Variants in CHMP4C observed in about 807,000 individuals in gnomAD.
The protein encoded by CHMP4C is charged multivesicular body protein 4C, also known as SNF7 homolog associated with Alix 3.
In CHMP4C, 28 loss-of-function variants were observed where a neutral mutation model predicts 29.0. That is an observed-to-expected ratio of 0.97 (90% confidence interval 0.72 to 1.32). The LOEUF (loss-of-function observed/expected upper bound fraction) is 1.32. Ranked by LOEUF, CHMP4C falls within the 40% of genes most tolerant of loss-of-function variation. The probability of loss-of-function intolerance (pLI) is 0.00; values close to 1 mark genes in which losing one functional copy is unlikely to be tolerated. For synonymous variants in CHMP4C, 106 were observed against 102.4 expected, an observed-to-expected ratio of 1.04 and a Z score of -0.21; for missense variants, 291 against 281.0, an observed-to-expected ratio of 1.04 and a Z score of -0.25.
In CHMP4C at chr8:81,747,532, T is replaced by G. The variant is rs73694776; in HGVS notation, c.191-5532T>G. Among the ~76,000 whole-genome samples, 1,317 of 152,220 alleles carry G rather than the reference T, an allele frequency of 8.7e-3. 26 individuals carry two copies. The highest frequency in any genetic ancestry group is 0.029 in the African/African-American group (1,202 of 41,506). On this transcript the variant is annotated intron_variant, in intron 1 of 4. Coordinates refer to ENST00000297265, the MANE Select transcript of CHMP4C (RefSeq NM_152284.4). ...GGATACTCTGCTGAATAGTACTGTT[T>G]GTTGTACCTATTGAAATGTAGAAAT... is the stretch of plus-strand genomic sequence containing the variant.
intron 1 of CHMP4C, among the ~76,000 whole-genome samples, chr8:81,734,026 G>T (rs978967066): frequency 6.6e-6 from 1 of 152,110 alleles, no homozygotes; most frequent in Non-Finnish European, 1.5e-5. Context: ...CAATAAGAAG[G>T]CTGTTTTATT....
chr8:81,741,184 G>T (rs1179885562), intron 1 of CHMP4C, among the ~76,000 whole-genome samples: 6 of 151,930 alleles, frequency 3.9e-5, no homozygotes, highest in African/African-American at 1.4e-4. Flanking sequence ...TCATGAATTT[G>T]GAGCAGTATT....
intron 1 of CHMP4C, among the ~76,000 whole-genome samples, chr8:81,740,039 G>A (rs1011708617): frequency 6.6e-6 from 1 of 152,150 alleles, no homozygotes; most frequent in African/African-American, 2.4e-5. Context: ...TTATATGCAA[G>A]CTATTTCTTT....
In CHMP4C at chr8:81,755,385, A is replaced by G; in HGVS notation, c.384A>G (p.Ile128Met). 1 of 1,604,910 alleles carries G rather than the reference A, an allele frequency of 6.2e-7. No homozygotes were observed. Among genetic ancestry groups the G allele is most frequent in the South Asian group, 1.1e-5 (1 of 90,310 alleles). The change falls in exon 3 of 5, where the codon ATA (isoleucine) becomes ATG (methionine). Residue 128 changes from isoleucine to methionine, a missense_variant. Physicochemically the swap from Ile to Met is conservative, Grantham distance 10 (BLOSUM62 1). Transcript: ENST00000297265. ...SVHENMDLNK[I>M]DDLMQEITEQ... ...GATTTCCCAGGGATCTGAACAAAAT[A>G]GATGATTTGATGCAAGAGATCACAG...
Position 81,755,321 on chromosome 8 carries a change from T to C in CHMP4C, c.369-49T>C, listed in dbSNP as rs755251779. 3.9e-6 allele frequency: 4 copies of C among 1,034,380 alleles called. No homozygotes were observed. In the South Asian group the frequency reaches 4.9e-5, roughly 13 times the overall value. 64.1% of individuals were successfully genotyped at this position (1,034,380 alleles called of 1,614,324 possible). ...TTATATAGGATTATATCTAAATTCA[T>C]AATTATAAGTTAAAATTCTAAAATG... On this transcript the variant is annotated intron_variant, in intron 2 of 4. Transcript: ENST00000297265.
At chr8:81,745,787 A>G (rs1252573432) in intron 1 of CHMP4C, among the ~76,000 whole-genome samples, 2 of 152,166 alleles carry the variant, frequency 1.3e-5, no homozygotes, top group Non-Finnish European at 2.9e-5. Context: ...TTTCTCTACC[A>G]CAAAGGAATA....
chr8:81,755,662 C>T (rs985977085), intron 3 of CHMP4C, among the ~76,000 whole-genome samples, 178 bp downstream of exon 3: 2 of 152,152 alleles, frequency 1.3e-5, no homozygotes, highest in Non-Finnish European at 2.9e-5. Flanking sequence ...AAGATGAATA[C>T]AGTTTGGCAA....
intron 1 of CHMP4C, among the ~76,000 whole-genome samples, chr8:81,739,182 T>C (rs1220342107): frequency 6.0e-5 from 9 of 149,328 alleles, no homozygotes; most frequent in Admixed American, 4.0e-4. Flanking sequence ...CTGCAACCTC[T>C]GCCTCCCGGG....
At chr8:81,747,296 A>G (rs1808837363) in intron 1 of CHMP4C, among the ~76,000 whole-genome samples, 1 of 152,126 alleles carries the variant, frequency 6.6e-6, no homozygotes, top group African/African-American at 2.4e-5. Flanking sequence ...ATTAATTTTT[A>G]CTAAGAAATA....
chr8:81,750,160 TA>T (rs1808879685), intron 1 of CHMP4C, among the ~76,000 whole-genome samples: 1 of 152,088 alleles, frequency 6.6e-6, no homozygotes, highest in Admixed American at 6.6e-5. Context: ...AGGCTGCCAT[TA>T]AAAAATGAGC....
In CHMP4C at chr8:81,759,277, T is replaced by C. The variant is rs996632409; in HGVS notation, c.*733T>C. The C allele has an allele frequency of 1.3e-5, 2 of 152,590 alleles. No individual in the cohort carries two copies. Among genetic ancestry groups the C allele is most frequent in the African/African-American group, 4.8e-5 (2 of 41,448 alleles). 9.5% of individuals were successfully genotyped at this position (152,590 alleles called of 1,614,324 possible). A position where few individuals can be genotyped will look rare whatever the true frequency, so the allele number is the denominator to read the frequency against. On this transcript the variant is annotated 3_prime_UTR_variant, in exon 5 of 5. Coordinates refer to ENST00000297265, the MANE Select transcript of CHMP4C (RefSeq NM_152284.4). Reference sequence around the variant, plus strand: ...GGCAATGGATGCATTTCCCAAAACGTGTGAAAGCACTAACAGCTTATATTG... The same window carrying C: ...GGCAATGGATGCATTTCCCAAAACGCGTGAAAGCACTAACAGCTTATATTG...
intron 3 of CHMP4C, among the ~76,000 whole-genome samples, chr8:81,755,686 T>A (rs1026680596): frequency 6.6e-6 from 1 of 152,174 alleles, no homozygotes; most frequent in Non-Finnish European, 1.5e-5. Context: ...GTGGCCTGAT[T>A]AAGTTTTCAG....
At chr8:81,737,284 G>GT (rs1004516006) in intron 1 of CHMP4C, among the ~76,000 whole-genome samples, 83 of 151,996 alleles carry the variant, frequency 5.5e-4, no homozygotes, top group African/African-American at 1.9e-3. Context: ...TCAGGCATCT[G>GT]TTTTTTTTAA....
chr8:81,749,595 G>A (rs1808870975), intron 1 of CHMP4C, among the ~76,000 whole-genome samples: 1 of 152,140 alleles, frequency 6.6e-6, no homozygotes, highest in African/African-American at 2.4e-5. Context: ...TGGTATAAAG[G>A]GTGGAGCTCT....
intron 2 of CHMP4C, among the ~76,000 whole-genome samples, chr8:81,753,928 T>C (rs1290474371): frequency 6.6e-6 from 1 of 151,976 alleles, no homozygotes; most frequent in Non-Finnish European, 1.5e-5. Flanking sequence ...AAGTGAGCAC[T>C]CAATAATTAA....
At chr8:81,748,413 G>C (rs533935510) in intron 1 of CHMP4C, among the ~76,000 whole-genome samples, 1 of 152,204 alleles carries the variant, frequency 6.6e-6, no homozygotes, top group Non-Finnish European at 1.5e-5. Context: ...GAAGTGATAA[G>C]TGTCCATGAA....
rs189321535 is a variant in CHMP4C at position 81,732,849 on chromosome 8, C to A, written c.190+33C>A. ...GGGGTCTGGCCCACAGGCGGGAGCC[C>A]ATCTGCCTCTAGCCTTTCCCTTGGG... On this transcript the variant is annotated intron_variant, in intron 1 of 4. Transcript: ENST00000297265. The A allele has an allele frequency of 1.3e-3, 2,043 of 1,589,046 alleles. 12 individuals carry two copies. Among genetic ancestry groups the A allele is most frequent in the Middle Eastern group, 9.6e-3 (56 of 5,858 alleles).
intron 1 of CHMP4C, among the ~76,000 whole-genome samples, chr8:81,738,804 C>T (rs1037179313): frequency 6.6e-6 from 1 of 152,198 alleles, no homozygotes; most frequent in African/African-American, 2.4e-5. Flanking sequence ...ACCTGCATCA[C>T]AATTCCTTCT....
Position 81,758,651 on chromosome 8 carries a change from G to A in CHMP4C, c.*107G>A, listed in dbSNP as rs2130501015. 1 of 766,148 alleles carries A rather than the reference G, an allele frequency of 1.3e-6. No homozygotes were observed. The highest frequency in any genetic ancestry group is 2.7e-5 in the East Asian group (1 of 37,432). The allele number at this position is 766,148 out of a possible 1,614,324, so 47.5% of individuals were successfully genotyped here. On this transcript the variant is annotated 3_prime_UTR_variant, in exon 5 of 5. Coordinates refer to ENST00000297265, the MANE Select transcript of CHMP4C (RefSeq NM_152284.4). ...AAAGACTCTGCTTTATAATTATATT[G>A]AATGAATAATTGTGTTTTAAGCCTC...
Sources: gnomAD v4.1 joint callset for allele counts (sites outside exome capture counted in the v4.1 genomes callset) on GRCh38, gnomAD v4.1.1 for gene constraint, MANE v1.5 for transcripts, NCBI Gene and HGNC (gene_info 2026-07-23, HGNC 2026-07-21) for gene names.